Variants in AGTR1 observed in about 807,000 individuals in gnomAD.
AGTR1 encodes type-1 angiotensin II receptor.
In AGTR1, 16 loss-of-function variants were observed where a neutral mutation model predicts 19.4. The observed-to-expected ratio is 0.82, with a 90% CI of 0.56 to 1.25. The LOEUF is 1.25. Among genes scored for constraint, AGTR1 ranks in the 50% most tolerant of loss-of-function variants. The probability of loss-of-function intolerance (pLI) is 0.00; values close to 1 mark genes in which losing one functional copy is unlikely to be tolerated. For synonymous variants in AGTR1, 153 were observed against 154.9 expected, an observed-to-expected ratio of 0.99 and a Z score of 0.09; for missense variants, 373 against 431.9, an observed-to-expected ratio of 0.86 and a Z score of 1.21.
chr3:148,704,298 G>A (rs1712540045), intron 1 of AGTR1, among the ~76,000 whole-genome samples: 2 of 151,978 alleles, frequency 1.3e-5, no homozygotes, highest in South Asian at 4.2e-4. Flanking sequence ...TCTGGGAGGT[G>A]AAGGCTGCAG....
intron 2 of AGTR1, among the ~76,000 whole-genome samples, chr3:148,715,235 T>A (rs1043892416): frequency 1.3e-5 from 2 of 152,166 alleles, no homozygotes; most frequent in African/African-American, 4.8e-5. Flanking sequence ...TTTCTCATAA[T>A]CCCCATGCTT....
chr3:148,708,365 C>A (rs1000007579), intron 2 of AGTR1, among the ~76,000 whole-genome samples: 1 of 151,990 alleles, frequency 6.6e-6, no homozygotes, highest in African/African-American at 2.4e-5. Flanking sequence ...CTTAAGAGGA[C>A]CAGAAGGGAA....
intron 2 of AGTR1, among the ~76,000 whole-genome samples, chr3:148,723,398 T>C (rs1713755259): frequency 6.6e-6 from 1 of 152,246 alleles, no homozygotes; most frequent in South Asian, 2.1e-4. Flanking sequence ...CCAGGGCCAC[T>C]GAGTGTGGCT....
intron 1 of AGTR1, among the ~76,000 whole-genome samples, chr3:148,703,016 T>C (rs1285623684): frequency 2.6e-5 from 4 of 151,692 alleles, no homozygotes; most frequent in African/African-American, 9.7e-5. Context: ...ATGACAAGGG[T>C]AAAGTGGAGA....
chr3:148,731,993 C>A (rs1714282892), intron 2 of AGTR1, among the ~76,000 whole-genome samples: 1 of 152,216 alleles, frequency 6.6e-6, no homozygotes, highest in Non-Finnish European at 1.5e-5. Flanking sequence ...TCTTATAATA[C>A]TCTGCCCTCA....
rs554206172 is a variant in AGTR1, at chr3:148,726,439, C to T, written c.-47-14550C>T. ...GGCCAGGCTGGTCTCGAGCTCCTGA[C>T]CTTGTGATCCGCCCACCTTGGCCTC... On this transcript the variant is annotated intron_variant, in intron 2 of 2. Transcript: ENST00000349243. Among the ~76,000 whole-genome samples, 8 of 152,206 alleles carry T rather than the reference C, an allele frequency of 5.3e-5. No individual in the cohort carries two copies. The South Asian group carries it at 1.5e-3, about 28-fold the overall frequency.
rs1713291015 is a variant in AGTR1, at chr3:148,716,080, G to A, written c.-48+8053G>A. 6.6e-6 allele frequency among the ~76,000 whole-genome samples: 1 copy of A among 152,114 alleles called. No homozygotes were observed. Among genetic ancestry groups the A allele is most frequent in the East Asian group, 1.9e-4 (1 of 5,198 alleles). ...AAATGCCTTTTTAGCAAATTAAACT[G>A]AATTGTGTTCAGAGATCCACAGGTC... On this transcript the variant is annotated intron_variant, in intron 2 of 2. Transcript: ENST00000349243. This position sits in a 1 kb window ranked among gnomAD's most constrained non-coding sequence, Gnocchi z 4.7.
intron 2 of AGTR1, among the ~76,000 whole-genome samples, chr3:148,739,314 G>A (rs182090835): frequency 6.8e-4 from 103 of 150,572 alleles, no homozygotes; most frequent in African/African-American, 2.2e-3. Context: ...AGCCAAGATC[G>A]CACCACTGCA....
intron 2 of AGTR1, among the ~76,000 whole-genome samples, chr3:148,735,444 C>G (rs1003898020): frequency 6.6e-6 from 1 of 152,096 alleles, no homozygotes; most frequent in African/African-American, 2.4e-5. Context: ...TGAACACAGT[C>G]AAAGATTACA....
chr3:148,733,083 G>A (rs1281391633), intron 2 of AGTR1, among the ~76,000 whole-genome samples: 1 of 152,132 alleles, frequency 6.6e-6, no homozygotes, highest in African/African-American at 2.4e-5. Flanking sequence ...CGAGGATACA[G>A]GGGTCCAGGG....
intron 1 of AGTR1, among the ~76,000 whole-genome samples, chr3:148,702,428 T>G (rs937809701): frequency 6.6e-6 from 1 of 152,236 alleles, no homozygotes; most frequent in Admixed American, 6.5e-5. Flanking sequence ...CTGCAGGTAC[T>G]TACAGAGGAA....
At chr3:148,722,548 G>A (rs371705453) in intron 2 of AGTR1, among the ~76,000 whole-genome samples, 1 of 152,140 alleles carries the variant, frequency 6.6e-6, no homozygotes, top group African/African-American at 2.4e-5. Flanking sequence ...TCTAAGAAGA[G>A]GCGGGAGGGT....
In AGTR1 at chr3:148,742,329, C is replaced by T. The variant is rs1225985946; in HGVS notation, c.*214C>T. ...AAGCAAAGCCACATTTTGCATTAGA[C>T]AGATGACGGCTGCTCGAAGAACAAT... On this transcript the variant is annotated 3_prime_UTR_variant, in exon 3 of 3. Transcript: ENST00000349243. 3 of 702,936 alleles carry T rather than the reference C, an allele frequency of 4.3e-6. No homozygotes were observed. In the African/African-American group the frequency reaches 5.4e-5, roughly 13 times the overall value. 43.5% of individuals were successfully genotyped at this position (702,936 alleles called of 1,614,324 possible). A position where few individuals can be genotyped will look rare whatever the true frequency, so the allele number is the denominator to read the frequency against.
chr3:148,701,965 A>C (rs1712372283), intron 1 of AGTR1, among the ~76,000 whole-genome samples: 1 of 148,738 alleles, frequency 6.7e-6, no homozygotes, highest in South Asian at 2.1e-4. Context: ...AAATACACAT[A>C]TGATTGTGTA....
chr3:148,738,436 A>G (rs1714689634), intron 2 of AGTR1, among the ~76,000 whole-genome samples: 2 of 152,170 alleles, frequency 1.3e-5, no homozygotes, highest in African/African-American at 4.8e-5. Context: ...AAATTAATCC[A>G]CATTAAGCCA....
At chr3:148,708,754 T>G (rs1559923163) in intron 2 of AGTR1, among the ~76,000 whole-genome samples, 1 of 152,184 alleles carries the variant, frequency 6.6e-6, no homozygotes, top group East Asian at 1.9e-4. Context: ...GGGATTTACC[T>G]AACTAATAAG....
chr3:148,735,973 T>G (rs556457510), intron 2 of AGTR1, among the ~76,000 whole-genome samples: 2 of 152,182 alleles, frequency 1.3e-5, no homozygotes, highest in African/African-American at 2.4e-5. Context: ...TATAATTACT[T>G]GGTCATTTAG....
At position 148,741,644 on chromosome 3, in the gene AGTR1, T is replaced by C. The variant is rs886058070; in HGVS notation, c.609T>C (p.Gly203=). The change falls in exon 3 of 3, where the codon GGT becomes GGC. Residue 203 remains glycine, a synonymous_variant. Coordinates refer to ENST00000349243, the MANE Select transcript of AGTR1 (RefSeq NM_000685.5). ...TGGGCCTGACCAAAAATATACTGGG[T>C]TTCCTGTTTCCTTTTCTGATCATTC... ...IGLGLTKNIL[G]FLFPFLIILT... is the part of the protein sequence containing the mutation. 2.5e-6 allele frequency: 4 copies of C among 1,613,996 alleles called. No individual in the cohort carries two copies. The highest frequency in any genetic ancestry group is 3.3e-4 in the Middle Eastern group (2 of 6,062).
chr3:148,728,874 G>A (rs191806468), intron 2 of AGTR1, among the ~76,000 whole-genome samples: 6 of 152,332 alleles, frequency 3.9e-5, no homozygotes, highest in Admixed American at 1.3e-4. Context: ...AAAAACTAGA[G>A]AGTGTTAGAT....
Sources: gnomAD v4.1 joint callset for allele counts (sites outside exome capture counted in the v4.1 genomes callset) on GRCh38, gnomAD v4.1.1 for gene constraint, Gnocchi (gnomAD v3.1) non-coding constraint, MANE v1.5 for transcripts, NCBI Gene and HGNC (gene_info 2026-07-23, HGNC 2026-07-21) for gene names.